KCNQ5: variants seen among roughly 807,000 people sequenced by gnomAD.
KCNQ5 encodes potassium voltage-gated channel subfamily KQT member 5.
A neutral mutation model predicts 98.2 loss-of-function variants in KCNQ5; 30 were observed. That is an observed-to-expected ratio of 0.31 (90% CI 0.23 to 0.41). The LOEUF is 0.41. Ranked by LOEUF, KCNQ5 falls within the 10% of genes least tolerant of loss-of-function variation. The probability of loss-of-function intolerance (pLI) is 1.00; values close to 1 mark genes in which losing one functional copy is unlikely to be tolerated. For synonymous variants in KCNQ5, 458 were observed against 449.4 expected (o/e 1.02, Z -0.24); for missense variants, 835 against 1,182.5 (o/e 0.71, Z 4.31).
rs372349173 is a variant in KCNQ5 at position 73,075,380 on chromosome 6, A to G, written c.617-1942A>G. 4.0e-3 allele frequency among the ~76,000 whole-genome samples: 603 copies of G among 151,814 alleles called. 2 individuals are homozygous for G. The highest frequency in any genetic ancestry group is 0.014 in the African/African-American group (571 of 41,396). ...TGGGATTACAGGCACGTGCCACCAC[A>G]CCCAGCTAATTTTTGTATTTTTAGT... On this transcript the variant is annotated intron_variant, in intron 3 of 13. Coordinates refer to ENST00000370398, the MANE Select transcript of KCNQ5 (RefSeq NM_019842.4).
intron 1 of KCNQ5, among the ~76,000 whole-genome samples, chr6:72,705,079 T>C (rs1769003275): frequency 6.6e-6 from 1 of 152,174 alleles, no homozygotes. Flanking sequence ...GCTCAATCTA[T>C]TTTTCCATCT....
At chr6:72,846,378 A>T (rs1419669732) in intron 1 of KCNQ5, among the ~76,000 whole-genome samples, 2 of 151,940 alleles carry the variant, frequency 1.3e-5, no homozygotes, top group Admixed American at 1.3e-4. Context: ...TAGTCTCACC[A>T]CTCTTCTTCT....
chr6:72,883,783 G>A (rs1368360161), intron 1 of KCNQ5, among the ~76,000 whole-genome samples: 2 of 152,104 alleles, frequency 1.3e-5, no homozygotes, highest in African/African-American at 4.8e-5. Context: ...GGCCACCTGG[G>A]CTGCCACAAA....
intron 1 of KCNQ5, among the ~76,000 whole-genome samples, chr6:72,763,007 A>G (rs4538671): frequency 0.13 from 19,639 of 152,028 alleles, 1,391 homozygotes; most frequent in South Asian, 0.17. Flanking sequence ...TTGATAAGCT[A>G]TTATCCAGAA....
chr6:72,987,172 A>T, intron 1 of KCNQ5: 2 of 679,056 alleles, frequency 2.9e-6, no homozygotes, highest in Non-Finnish European at 2.8e-6. Context: ...AAGTCCAAGA[A>T]GGTAGAGCAG....
At chr6:72,973,815 A>G (rs2150287668) in intron 1 of KCNQ5, among the ~76,000 whole-genome samples, 1 of 152,358 alleles carries the variant, frequency 6.6e-6, no homozygotes, top group East Asian at 1.9e-4. Flanking sequence ...GTTCTGCCAA[A>G]GAAATTAAGA....
intron 1 of KCNQ5, chr6:72,987,530 C>T (rs368664773): frequency 1.4e-5 from 9 of 658,468 alleles, no homozygotes; most frequent in Non-Finnish European, 2.3e-5. Flanking sequence ...GCCGCCACCC[C>T]CTCCAAGCCC....
intron 1 of KCNQ5, among the ~76,000 whole-genome samples, chr6:72,656,774 T>C (rs1188222461): frequency 6.6e-6 from 1 of 151,914 alleles, no homozygotes; most frequent in Non-Finnish European, 1.5e-5. Flanking sequence ...GAGCATCTTA[T>C]CTCTGGCTCT....
chr6:72,908,403 ATCT>A (rs1182026807), intron 1 of KCNQ5, among the ~76,000 whole-genome samples: 2 of 152,240 alleles, frequency 1.3e-5, no homozygotes, highest in African/African-American at 2.4e-5. Flanking sequence ...AGATATGTTA[ATCT>A]TCTTCACTAT....
intron 1 of KCNQ5, among the ~76,000 whole-genome samples, chr6:72,924,325 A>T (rs748423053): frequency 6.6e-6 from 1 of 152,186 alleles, no homozygotes; most frequent in African/African-American, 2.4e-5. Flanking sequence ...AGGAAGCAGA[A>T]ATAGCAATTT....
intron 1 of KCNQ5, among the ~76,000 whole-genome samples, chr6:72,980,369 C>G (rs71202872): frequency 1.3e-3 from 199 of 152,174 alleles, no homozygotes; most frequent in African/African-American, 4.6e-3. Flanking sequence ...GTGGTTTGTA[C>G]TTCTCCTTGA....
intron 1 of KCNQ5, among the ~76,000 whole-genome samples, chr6:72,875,146 A>AC (rs1778360669): frequency 6.6e-6 from 1 of 152,178 alleles, no homozygotes; most frequent in African/African-American, 2.4e-5. Context: ...AGTTAATACA[A>AC]TATTGCTCAA....
At position 73,194,616 on chromosome 6, in the gene KCNQ5, G is replaced by C. The variant is rs768980780; in HGVS notation, c.2001G>C (p.Ser667=). 2 of 1,614,166 alleles carry C rather than the reference G, an allele frequency of 1.2e-6. No individual in the cohort carries two copies. The highest frequency in any genetic ancestry group is 1.7e-6 in the Non-Finnish European group (2 of 1,180,020). The change falls in exon 14 of 14, where the codon TCG becomes TCC. Residue 667 remains serine, a synonymous_variant. Coordinates refer to ENST00000370398, the MANE Select transcript of KCNQ5 (RefSeq NM_019842.4). ...GCCCTGTGGATAGCAAAGATCTTTCGGGTTCCGCACAAAACAGTGGCTGCT... is the reference window on the plus strand; with the variant it reads ...GCCCTGTGGATAGCAAAGATCTTTCCGGTTCCGCACAAAACAGTGGCTGCT... ...YQSPVDSKDL[S]GSAQNSGCLS...
At chr6:72,649,016 AAT>A (rs1765743951) in intron 1 of KCNQ5, among the ~76,000 whole-genome samples, 1 of 152,098 alleles carries the variant, frequency 6.6e-6, no homozygotes, top group Non-Finnish European at 1.5e-5. Context: ...AAATGAGTGA[AAT>A]TAGCTTTTGA....
At chr6:72,634,306 A>G (rs926004666) in intron 1 of KCNQ5, among the ~76,000 whole-genome samples, 2 of 152,160 alleles carry the variant, frequency 1.3e-5, no homozygotes, top group African/African-American at 4.8e-5. Context: ...TAACCAGCTT[A>G]AGTTCTAATT....
At chr6:72,718,779 A>G (rs919386050) in intron 1 of KCNQ5, among the ~76,000 whole-genome samples, 5 of 152,170 alleles carry the variant, frequency 3.3e-5, no homozygotes, top group Middle Eastern at 3.4e-3. Flanking sequence ...TATTTGAAAT[A>G]CTTTCATGCA....
intron 1 of KCNQ5, among the ~76,000 whole-genome samples, chr6:72,972,404 G>C (rs1767946522): frequency 6.6e-6 from 1 of 150,876 alleles, no homozygotes; most frequent in Non-Finnish European, 1.5e-5. Context: ...TGGAATACAT[G>C]TGCAGAACAT....
At chr6:73,094,396 T>G (rs1169142420) in intron 5 of KCNQ5, among the ~76,000 whole-genome samples, 1 of 152,220 alleles carries the variant, frequency 6.6e-6, no homozygotes, top group Non-Finnish European at 1.5e-5. Context: ...GCCATTTACA[T>G]TCAACGTTAG....
At chr6:72,777,412 G>A (rs1346592354) in intron 1 of KCNQ5, among the ~76,000 whole-genome samples, 1 of 152,080 alleles carries the variant, frequency 6.6e-6, no homozygotes, top group Non-Finnish European at 1.5e-5. Flanking sequence ...ATGGGGGTGG[G>A]GTAAGTGGAG....
Sources: gnomAD v4.1 joint callset for allele counts (sites outside exome capture counted in the v4.1 genomes callset) on GRCh38, gnomAD v4.1.1 for gene constraint, MANE v1.5 for transcripts, NCBI Gene and HGNC (gene_info 2026-07-23, HGNC 2026-07-21) for gene names.